LPP: variants seen among roughly 807,000 people sequenced by gnomAD.
The protein encoded by LPP is LIM domain containing preferred translocation partner in lipoma, also known as lipoma-preferred partner.
Under a neutral mutation model 60.4 loss-of-function variants are expected in LPP, and 38 were observed. The ratio of observed to expected loss-of-function variants is 0.63; its 90% confidence interval spans 0.49 to 0.83. The LOEUF is 0.83. Ranked by LOEUF, LPP falls within the 40% of genes least tolerant of loss-of-function variation. The pLI is 0.00. For synonymous variants in LPP, 328 were observed against 290.8 expected (o/e 1.13, Z -1.30); for missense variants, 902 against 783.6 (o/e 1.15, Z -1.80).
intron 6 of LPP, among the ~76,000 whole-genome samples, chr3:188,559,287 T>A (rs1830155714): frequency 1.3e-5 from 2 of 152,102 alleles, no homozygotes; most frequent in South Asian, 4.1e-4. Context: ...TTTTTGAATA[T>A]TTGAATTGCA....
At chr3:188,475,444 A>G (rs1250861532) in intron 4 of LPP, among the ~76,000 whole-genome samples, 2 of 152,220 alleles carry the variant, frequency 1.3e-5, no homozygotes, top group African/African-American at 4.8e-5. Flanking sequence ...GCATGCCTAT[A>G]ATTCACTTAT....
rs1251442864 is a variant in LPP at position 188,879,193 on chromosome 3, TA to T, written c.*4719del. Reference sequence around the variant, plus strand: ...GTTAGCATAGCCTTATTTCAAACCTTAAAAAGTTACCTGACTGAAGCTACTA... The same window carrying T: ...GTTAGCATAGCCTTATTTCAAACCTTAAAAGTTACCTGACTGAAGCTACTA... On this transcript the variant is annotated 3_prime_UTR_variant, in exon 12 of 12. Transcript: ENST00000617246. The T allele has an allele frequency of 1.3e-5, 3 of 230,898 alleles. No homozygotes were observed. The highest frequency in any genetic ancestry group is 2.6e-5 in the Non-Finnish European group (3 of 116,564). 14.3% of individuals were successfully genotyped at this position (230,898 alleles called of 1,614,324 possible).
chr3:188,675,279 A>G (rs7612305), intron 7 of LPP, among the ~76,000 whole-genome samples: 64,733 of 152,032 alleles, frequency 0.43, 14,212 homozygotes, highest in East Asian at 0.77. Context: ...CACAGACAGA[A>G]TGAAGTGGGT....
chr3:188,398,142 T>A (rs1020172394), intron 3 of LPP, among the ~76,000 whole-genome samples: 2 of 152,182 alleles, frequency 1.3e-5, no homozygotes, highest in Non-Finnish European at 2.9e-5. Context: ...CCTTCCCTCA[T>A]CTACACTCCC....
chr3:188,288,831 A>G (rs12632519), intron 2 of LPP, among the ~76,000 whole-genome samples: 1 of 79,656 alleles, frequency 1.3e-5, no homozygotes, highest in Non-Finnish European at 2.4e-5. Flanking sequence ...CCCCACCCCC[A>G]CCCCCCCGCC....
At chr3:188,470,574 T>C (rs1801606949) in intron 4 of LPP, among the ~76,000 whole-genome samples, 1 of 152,098 alleles carries the variant, frequency 6.6e-6, no homozygotes, top group South Asian at 2.1e-4. Flanking sequence ...TTTAGTGAGG[T>C]AAATGTCTCA....
intron 9 of LPP, among the ~76,000 whole-genome samples, chr3:188,763,369 A>G (rs1010018337): frequency 2.6e-5 from 4 of 152,092 alleles, no homozygotes; most frequent in Non-Finnish European, 5.9e-5. Flanking sequence ...TCTAATGTAA[A>G]TTAAATTTAC....
chr3:188,294,269 G>C (rs1747098339), intron 2 of LPP, among the ~76,000 whole-genome samples: 1 of 152,010 alleles, frequency 6.6e-6, no homozygotes, highest in Non-Finnish European at 1.5e-5. Context: ...TTATATGGTG[G>C]TGATGATTGC....
chr3:188,384,329 C>CGTGTGTGT lies in LPP; in HGVS notation c.-9-21783_-9-21782insGTGTGTGT, dbSNP rs1560331554. Among the ~76,000 whole-genome samples the CGTGTGTGT allele has an allele frequency of 6.1e-4, 9 of 14,736 alleles. No homozygotes were observed. In the East Asian group the frequency reaches 8.9e-3, roughly 15 times the overall value. The allele number at this position is 14,736 out of a possible 152,430, so 9.7% of individuals were successfully genotyped here. On this transcript the variant is annotated intron_variant, in intron 3 of 11. Coordinates refer to ENST00000617246, the MANE Select transcript of LPP (RefSeq NM_001375462.1). ...TTAGTTATGGTAGTGTATGTATGTGCATGTGTGTGTGTGTGTGTGTGTGTG... is the reference window on the plus strand; with the variant it reads ...TTAGTTATGGTAGTGTATGTATGTGCGTGTGTGTATGTGTGTGTGTGTGTGTGTGTGTG...
intron 7 of LPP, among the ~76,000 whole-genome samples, chr3:188,674,604 A>T (rs1432504816): frequency 6.6e-6 from 1 of 152,230 alleles, no homozygotes; most frequent in East Asian, 1.9e-4. Flanking sequence ...GAAAACGATT[A>T]TGTAAGTACC....
intron 7 of LPP, among the ~76,000 whole-genome samples, chr3:188,661,254 A>G (rs1854515778): frequency 6.6e-6 from 1 of 152,198 alleles, no homozygotes; most frequent in Non-Finnish European, 1.5e-5. Context: ...AGGACATCTT[A>G]GTTGTTTCCA....
At chr3:188,388,587 T>C (rs1288541698) in intron 3 of LPP, among the ~76,000 whole-genome samples, 1 of 152,138 alleles carries the variant, frequency 6.6e-6, no homozygotes, top group African/African-American at 2.4e-5. Context: ...AGAACCACCT[T>C]GCTACATTCC....
intron 7 of LPP, among the ~76,000 whole-genome samples, chr3:188,625,946 G>A (rs1846754435): frequency 6.6e-6 from 1 of 152,072 alleles, no homozygotes; most frequent in Non-Finnish European, 1.5e-5. Context: ...AAAAATAAAG[G>A]ATTTCTAACA....
intron 4 of LPP, among the ~76,000 whole-genome samples, chr3:188,476,181 C>T (rs993455095): frequency 6.6e-6 from 1 of 152,158 alleles, no homozygotes; most frequent in Non-Finnish European, 1.5e-5. Flanking sequence ...AGTATAAGTT[C>T]CATGGGGCTT....
chr3:188,797,537 T>C (rs1290326857), intron 9 of LPP, among the ~76,000 whole-genome samples: 1 of 152,178 alleles, frequency 6.6e-6, no homozygotes, highest in African/African-American at 2.4e-5. Flanking sequence ...TGGCATATCC[T>C]ACACTCTAGC....
chr3:188,160,346 T>C (rs1293802485), intron 1 of LPP, among the ~76,000 whole-genome samples: 1 of 152,086 alleles, frequency 6.6e-6, no homozygotes, highest in Non-Finnish European at 1.5e-5. Flanking sequence ...AGGTGCCTGC[T>C]GGCACGCCTG....
chr3:188,281,037 C>T (rs771442994), intron 2 of LPP, among the ~76,000 whole-genome samples: 8 of 151,236 alleles, frequency 5.3e-5, no homozygotes, highest in Non-Finnish European at 1.0e-4. Flanking sequence ...TGGGCTCAAG[C>T]GATTCTCCTG....
intron 2 of LPP, among the ~76,000 whole-genome samples, chr3:188,227,124 A>G (rs1718062970): frequency 6.6e-6 from 1 of 152,166 alleles, no homozygotes; most frequent in African/African-American, 2.4e-5. Flanking sequence ...AAAGGGAGAG[A>G]TTTCCTTAAC....
intron 7 of LPP, among the ~76,000 whole-genome samples, chr3:188,675,372 A>T (rs920697957): frequency 2.0e-5 from 3 of 152,236 alleles, no homozygotes; most frequent in Non-Finnish European, 2.9e-5. Flanking sequence ...TTAACTGCTC[A>T]ACAAGTAGAC....
Sources: allele counts gnomAD v4.1 joint callset (sites outside exome capture counted in the v4.1 genomes callset), GRCh38; gene constraint gnomAD v4.1.1; transcripts MANE v1.5; gene names NCBI Gene and HGNC (gene_info 2026-07-23, HGNC 2026-07-21).